LRP1B: variants seen among roughly 807,000 people sequenced by gnomAD.
The protein encoded by LRP1B is low-density lipoprotein receptor-related protein 1B.
LRP1B carries 217 observed loss-of-function variants against 556.6 expected under a neutral mutation model. That is an observed-to-expected ratio of 0.39 (90% CI 0.35 to 0.44). LRP1B has a LOEUF of 0.44. Ranked by LOEUF, LRP1B falls within the 20% of genes least tolerant of loss-of-function variation. The pLI is 1.00. For missense variants in LRP1B, 5,053 were observed against 5,620.8 expected (o/e 0.90, Z 3.23); for synonymous variants, 2,047 against 1,865.8 (o/e 1.10, Z -2.50).
rs1249069588 is a variant in LRP1B, at chr2:142,053,369, G to A, written c.82+77279C>T. 2.0e-4 allele frequency among the ~76,000 whole-genome samples: 31 copies of A among 152,030 alleles called. 1 individual carries two copies. Among genetic ancestry groups the A allele is most frequent in the Admixed American group, 2.0e-3 (31 of 15,254 alleles). On this transcript the variant is annotated intron_variant, in intron 1 of 90. Transcript: ENST00000389484. ...CAGTCATTAGGAATAAAAGAGCATA[G>A]CAGAAATTAATTCAAATGTTCACAG...
intron 3 of LRP1B, among the ~76,000 whole-genome samples, chr2:141,354,640 G>T (rs901355321): frequency 6.6e-6 from 1 of 152,032 alleles, no homozygotes; most frequent in Non-Finnish European, 1.5e-5. Context: ...AAAAAAGTCT[G>T]TTAATATTGG....
chr2:140,348,184 T>G (rs546508743), intron 77 of LRP1B, among the ~76,000 whole-genome samples: 10 of 152,080 alleles, frequency 6.6e-5, no homozygotes, highest in Non-Finnish European at 8.8e-5. Context: ...CCCAGAGATG[T>G]GATATGCCTT....
intron 3 of LRP1B, among the ~76,000 whole-genome samples, chr2:141,459,405 G>T (rs1681769104): frequency 6.6e-6 from 1 of 152,118 alleles, no homozygotes; most frequent in Non-Finnish European, 1.5e-5. Context: ...TCAAAACAGA[G>T]AGCTAGTAAA....
intron 23 of LRP1B, among the ~76,000 whole-genome samples, chr2:140,897,762 G>A (rs985381795): frequency 1.3e-5 from 2 of 152,060 alleles, no homozygotes; most frequent in Non-Finnish European, 2.9e-5. Flanking sequence ...TTGAACTCTT[G>A]TACCTACACC....
intron 41 of LRP1B, among the ~76,000 whole-genome samples, chr2:140,642,992 G>A (rs1160350047): frequency 1.3e-5 from 2 of 152,036 alleles, no homozygotes; most frequent in Non-Finnish European, 2.9e-5. Context: ...TCCATCTTGT[G>A]ATGAAAATGT....
intron 11 of LRP1B, among the ~76,000 whole-genome samples, chr2:141,033,225 G>C (rs1449897754): frequency 6.6e-6 from 1 of 151,818 alleles, no homozygotes; most frequent in Non-Finnish European, 1.5e-5. Flanking sequence ...AGGGAAGGTG[G>C]CTAGGCAGAG....
intron 31 of LRP1B, among the ~76,000 whole-genome samples, chr2:140,828,337 C>T (rs931206891): frequency 1.3e-5 from 2 of 151,838 alleles, no homozygotes; most frequent in Non-Finnish European, 2.9e-5. Context: ...GGGCCGGGCG[C>T]GGTGGCTCAC....
At position 141,229,257 on chromosome 2, in the gene LRP1B, A is replaced by T. The variant is rs1573684352; in HGVS notation, c.776T>A (p.Leu259His). 1 of 1,611,634 alleles carries T rather than the reference A, an allele frequency of 6.2e-7. No individual in the cohort carries two copies. The highest frequency in any genetic ancestry group is 8.5e-7 in the Non-Finnish European group (1 of 1,177,972). Residue 259 changes from leucine to histidine, a missense_variant, in exon 6 of 91, where the codon CTC (leucine) becomes CAC (histidine). Leu to His is a moderately conservative substitution (Grantham distance 99). Coordinates refer to ENST00000389484, the MANE Select transcript of LRP1B (RefSeq NM_018557.3). ...TGCTTTTGTTATCTGGATACATTTG[A>T]GTTGATTTGAAGATTCTCTTGATTC... ...WIESRESSNQ[L>H]KCIQITKAGG...
chr2:140,267,468 A>G (rs1404671570), intron 86 of LRP1B, among the ~76,000 whole-genome samples: 1 of 151,922 alleles, frequency 6.6e-6, no homozygotes, highest in Non-Finnish European at 1.5e-5. Context: ...AATCATCTCC[A>G]GATTATTTAT....
chr2:140,438,983 T>G (rs1686308875), intron 66 of LRP1B, among the ~76,000 whole-genome samples: 1 of 152,218 alleles, frequency 6.6e-6, no homozygotes, highest in Non-Finnish European at 1.5e-5. Flanking sequence ...TTCAGAGAAC[T>G]AAGAATCTAA....
intron 2 of LRP1B, among the ~76,000 whole-genome samples, chr2:141,807,903 A>G (rs1696215749): frequency 6.6e-6 from 1 of 152,032 alleles, no homozygotes; most frequent in African/African-American, 2.4e-5. Context: ...GGTATCTGCC[A>G]TGTTTCTAGA....
At chr2:141,411,787 AATAT>A (rs1208816194) in intron 3 of LRP1B, among the ~76,000 whole-genome samples, 1 of 152,164 alleles carries the variant, frequency 6.6e-6, no homozygotes, top group Non-Finnish European at 1.5e-5. Flanking sequence ...TGCTGATAAA[AATAT>A]TATTCTAAAT....
intron 41 of LRP1B, among the ~76,000 whole-genome samples, chr2:140,649,185 T>C (rs543198566): frequency 1.6e-4 from 24 of 152,292 alleles, no homozygotes; most frequent in East Asian, 1.5e-3. Context: ...GTTTGTCTTC[T>C]GGCATTCTCT....
intron 35 of LRP1B, among the ~76,000 whole-genome samples, chr2:140,748,091 G>C (rs1428882142): frequency 2.6e-5 from 1 of 38,056 alleles, no homozygotes; most frequent in African/African-American, 1.1e-4. Context: ...AAAGTCCTAT[G>C]AATATATATA....
chr2:141,861,937 A>G (rs1225546264), intron 1 of LRP1B, among the ~76,000 whole-genome samples: 1 of 152,076 alleles, frequency 6.6e-6, no homozygotes, highest in African/African-American at 2.4e-5. Context: ...CTCAAAAAAA[A>G]AAGAAAAAAA....
chr2:141,061,793 T>C (rs1364876279), intron 8 of LRP1B, among the ~76,000 whole-genome samples: 1 of 151,776 alleles, frequency 6.6e-6, no homozygotes, highest in African/African-American at 2.4e-5. Flanking sequence ...AGCATTTTTG[T>C]CTTTGTTGTT....
In LRP1B at chr2:140,700,587, A is replaced by G. The variant is rs1686598988; in HGVS notation, c.6462T>C (p.Cys2154=). 1 of 1,613,446 alleles carries G rather than the reference A, an allele frequency of 6.2e-7. No homozygotes were observed. The highest frequency in any genetic ancestry group is 1.7e-5 in the Admixed American group (1 of 59,912). The change falls in exon 41 of 91, where the codon TGT becomes TGC. Residue 2154 remains cysteine (C), a synonymous_variant. Coordinates refer to ENST00000389484, the MANE Select transcript of LRP1B (RefSeq NM_018557.3). The stretch of plus-strand genomic sequence containing the variant: ...TTCCTCGATAAAGACAGAGTTGCTT[A>G]CAGCCACCATTGTCCCTGGCACAAA... ...TNVCARDNGG[C]KQLCLYRGNS... is the part of the protein sequence containing the mutation.
intron 11 of LRP1B, among the ~76,000 whole-genome samples, chr2:141,033,815 T>A (rs2105419290): frequency 6.6e-6 from 1 of 152,278 alleles, no homozygotes; most frequent in South Asian, 2.1e-4. Flanking sequence ...CCTCTAGAAC[T>A]GTGAACAATA....
chr2:140,297,523 TTGCTAAGAAG>T (rs1210976939), intron 84 of LRP1B, among the ~76,000 whole-genome samples: 3 of 152,136 alleles, frequency 2.0e-5, no homozygotes, highest in Non-Finnish European at 4.4e-5. Context: ...TGGTTATGAT[TTGCTAAGAAG>T]TGCAAAAGAG....
Sources: allele counts gnomAD v4.1 joint callset (sites outside exome capture counted in the v4.1 genomes callset), GRCh38; gene constraint gnomAD v4.1.1; transcripts MANE v1.5; gene names NCBI Gene and HGNC (gene_info 2026-07-23, HGNC 2026-07-21).